Variants in EML1 observed in about 807,000 individuals in gnomAD.
The protein encoded by EML1 is EMAP like 1, also known as echinoderm microtubule-associated protein-like 1.
In EML1, 27 loss-of-function variants were observed where a neutral mutation model predicts 110.4. The ratio of observed to expected loss-of-function variants is 0.24; its 90% CI spans 0.18 to 0.34. The LOEUF is 0.34. Among genes scored for constraint, EML1 ranks in the 10% least tolerant of loss-of-function variants. The pLI is 1.00. For missense variants in EML1, 741 were observed against 1,030.9 expected (o/e 0.72, Z 3.85); for synonymous variants, 344 against 385.8 (o/e 0.89, Z 1.27).
chr14:99,770,377 T>TCCTATCTATCTATCTA (rs2057411413), upstream of EML1, among the ~76,000 whole-genome samples: 1 of 150,186 alleles, frequency 6.7e-6, no homozygotes, highest in Non-Finnish European at 1.5e-5. Flanking sequence ...AAAAATTTCT[T>TCCTATCTATCTATCTA]TCTATCTATC....
intron 1 of EML1, among the ~76,000 whole-genome samples, chr14:99,752,664 C>A (rs1420679660): frequency 6.6e-6 from 1 of 152,162 alleles, no homozygotes; most frequent in African/African-American, 2.4e-5. Context: ...GCCACGGGGC[C>A]TCCAGACCCT....
At chr14:99,856,826 T>C (rs2058910283) in intron 2 of EML1, among the ~76,000 whole-genome samples, 1 of 152,318 alleles carries the variant, frequency 6.6e-6, no homozygotes, top group Middle Eastern at 3.4e-3. Flanking sequence ...TTACCTGCCA[T>C]TCTCATTTAT....
intron 15 of EML1, among the ~76,000 whole-genome samples, chr14:99,916,130 G>A (rs2060031080): frequency 6.6e-6 from 1 of 152,218 alleles, no homozygotes; most frequent in Admixed American, 6.5e-5. Context: ...TAATCATTTA[G>A]CCTAACATAA....
At chr14:99,889,046 A>G (rs901208639) in intron 4 of EML1, among the ~76,000 whole-genome samples, 8 of 152,214 alleles carry the variant, frequency 5.3e-5, no homozygotes, top group Non-Finnish European at 1.2e-4. Flanking sequence ...GAGGCATGCC[A>G]GGAGGAAAGC....
chr14:99,912,113 C>T (rs1248060959), intron 13 of EML1, among the ~76,000 whole-genome samples: 2 of 152,130 alleles, frequency 1.3e-5, no homozygotes, highest in Non-Finnish European at 2.9e-5. Context: ...AACTCCTGAG[C>T]TCAAGCGATC....
chr14:99,913,320 C>T lies in EML1; in HGVS notation c.1495-859C>T, dbSNP rs115961776. 8.8e-3 allele frequency among the ~76,000 whole-genome samples: 1,333 copies of T among 152,064 alleles called. 16 individuals are homozygous for T. Among genetic ancestry groups the T allele is most frequent in the African/African-American group, 0.03 (1,245 of 41,484 alleles). ...CTTGAGTAGCTTTCCAGCTACTACA[C>T]GCACCACCATACCCAGCTAATTTTT... On this transcript the variant is annotated intron_variant, in intron 13 of 21. Coordinates refer to ENST00000262233, the MANE Select transcript of EML1 (RefSeq NM_004434.3).
At chr14:99,875,430 G>C (rs1302043475) in intron 3 of EML1, among the ~76,000 whole-genome samples, 1 of 152,216 alleles carries the variant, frequency 6.6e-6, no homozygotes, top group Non-Finnish European at 1.5e-5. Context: ...TGCTGCTGCA[G>C]TTTTCATCAC....
chr14:99,741,537 G>A (rs770935391), intron 1 of EML1, among the ~76,000 whole-genome samples: 1 of 152,094 alleles, frequency 6.6e-6, no homozygotes, highest in African/African-American at 2.4e-5. Context: ...TCCAAGCATA[G>A]GGCCTGCAAA....
In EML1 at chr14:99,937,925, C is replaced by A. The variant is rs1227388571; in HGVS notation, c.2191+13C>A. The A allele has an allele frequency of 1.2e-6, 2 of 1,609,656 alleles. No homozygotes were observed. The highest frequency in any genetic ancestry group is 1.3e-5 in the African/African-American group (1 of 74,938). ...TTCCATGTTTTTGGTAAGTTTGCTG[C>A]AGATTTCACTGGTTCCAACAAAAGA... On this transcript the variant is annotated intron_variant, in intron 20 of 21. Transcript: ENST00000262233.
At chr14:99,897,066 T>C (rs751798883) in intron 6 of EML1, 79 bp from the exon 7 acceptor site, 1 of 1,301,250 alleles carries the variant, frequency 7.7e-7, no homozygotes, top group South Asian at 1.9e-5. Context: ...TGGTATTTTA[T>C]TGCCTGTGCC....
At chr14:99,859,097 A>G (rs1372743835) in intron 2 of EML1, among the ~76,000 whole-genome samples, 3 of 152,220 alleles carry the variant, frequency 2.0e-5, no homozygotes, top group Non-Finnish European at 1.5e-5. Flanking sequence ...TTGAAAATAT[A>G]TTATCATGGA....
chr14:99,826,651 G>A (rs1272244969), intron 1 of EML1, among the ~76,000 whole-genome samples: 2 of 151,704 alleles, frequency 1.3e-5, no homozygotes, highest in African/African-American at 2.4e-5. Context: ...ATTGACTAAC[G>A]CCACTGCTGT....
intron 1 of EML1, among the ~76,000 whole-genome samples, chr14:99,785,353 C>G (rs2057587588): frequency 6.6e-6 from 1 of 152,168 alleles, no homozygotes; most frequent in African/African-American, 2.4e-5. Flanking sequence ...CCGCGCCCAG[C>G]CTCCTTTTTC....
chr14:99,796,850 C>CT (rs1349335799), intron 1 of EML1, among the ~76,000 whole-genome samples: 2 of 151,854 alleles, frequency 1.3e-5, no homozygotes, highest in East Asian at 3.9e-4. Flanking sequence ...GATTTGGCAA[C>CT]TTTATCAGGC....
At chr14:99,820,267 T>G (rs1440396276) in intron 1 of EML1, among the ~76,000 whole-genome samples, 1 of 152,198 alleles carries the variant, frequency 6.6e-6, no homozygotes, top group African/African-American at 2.4e-5. Flanking sequence ...TATTTTTCGT[T>G]TTGTGGTTAC....
intron 17 of EML1, among the ~76,000 whole-genome samples, chr14:99,922,580 G>T (rs1358822345): frequency 6.6e-6 from 1 of 152,228 alleles, no homozygotes; most frequent in African/African-American, 2.4e-5. Flanking sequence ...GAAACTGCCA[G>T]ACTGCCTGTC....
chr14:99,916,672 G>T (rs974159628), intron 15 of EML1, among the ~76,000 whole-genome samples: 1 of 152,194 alleles, frequency 6.6e-6, no homozygotes, highest in Non-Finnish European at 1.5e-5. Flanking sequence ...TATACTCTGT[G>T]CTGTAAGCCC....
intron 1 of EML1, among the ~76,000 whole-genome samples, chr14:99,835,670 A>G (rs2058529180): frequency 6.6e-6 from 1 of 152,192 alleles, no homozygotes; most frequent in Admixed American, 6.5e-5. Context: ...ATGTTCATTC[A>G]GTTAGAAATA....
chr14:99,899,338 C>T (rs903952524), intron 8 of EML1: 2 of 149,012 alleles, frequency 1.3e-5, no homozygotes, highest in African/African-American at 5.0e-5. Context: ...TTTCTTGAGA[C>T]AGGGTCTCAC....
Sources: allele counts gnomAD v4.1 joint callset (sites outside exome capture counted in the v4.1 genomes callset), GRCh38; gene constraint gnomAD v4.1.1; transcripts MANE v1.5; gene names NCBI Gene and HGNC (gene_info 2026-07-23, HGNC 2026-07-21).